ANKRD36: variants seen among roughly 807,000 people sequenced by gnomAD.
ANKRD36 encodes the protein ankyrin repeat domain-containing protein 36A.
In ANKRD36, 179 loss-of-function variants were observed where a neutral mutation model predicts 278.1. The ratio of observed to expected loss-of-function variants is 0.64; its 90% CI spans 0.57 to 0.73. ANKRD36 has a LOEUF of 0.73. Ranked by LOEUF, ANKRD36 falls within the 30% of genes least tolerant of loss-of-function variation. The pLI is 0.00. For missense variants in ANKRD36, 1,159 were observed against 1,956.7 expected, an observed-to-expected ratio of 0.59 and a Z score of 7.69; for synonymous variants, 320 against 641.1, an observed-to-expected ratio of 0.50 and a Z score of 7.57.
intron 8 of ANKRD36, among the ~76,000 whole-genome samples, chr2:97,143,997 C>A (rs200549352): frequency 3.2e-3 from 342 of 108,122 alleles, no homozygotes; most frequent in Admixed American, 5.7e-3. Context: ...CTGATCAATT[C>A]GGAACACTTC....
intron 75 of ANKRD36, among the ~76,000 whole-genome samples, chr2:97,261,462 G>A (rs1348540568): frequency 0.032 from 4,282 of 133,628 alleles, 1,212 homozygotes; most frequent in African/African-American, 0.13. Flanking sequence ...CACAACCTCC[G>A]TGGTTAGTGC....
chr2:97,199,638 A>G (rs2060748890), intron 44 of ANKRD36, among the ~76,000 whole-genome samples: 1 of 151,924 alleles, frequency 6.6e-6, no homozygotes, highest in Non-Finnish European at 1.5e-5. Context: ...ATAATTGATG[A>G]TATTTTTATT....
chr2:97,216,573 A>C (rs1336783032), intron 62 of ANKRD36: 1 of 174,538 alleles, frequency 5.7e-6, no homozygotes, highest in Non-Finnish European at 1.2e-5. Context: ...CAAGAAACTT[A>C]GGCAAATTAT....
At chr2:97,135,791 A>C (rs2041341532) in intron 6 of ANKRD36, among the ~76,000 whole-genome samples, 1 of 151,856 alleles carries the variant, frequency 6.6e-6, no homozygotes, top group Non-Finnish European at 1.5e-5. Context: ...TTGTCATACT[A>C]CTCAGAATCT....
At chr2:97,226,000 C>A (rs1301104744) in intron 67 of ANKRD36, among the ~76,000 whole-genome samples, 1 of 151,736 alleles carries the variant, frequency 6.6e-6, no homozygotes. Context: ...GTCTATGTGC[C>A]ATATTTTCTT....
rs927060997 is a variant in ANKRD36 at position 97,113,677 on chromosome 2, A to C, written c.-63A>C. On this transcript the variant is annotated 5_prime_UTR_variant, in exon 1 of 76. Coordinates refer to ENST00000420699, the MANE Select transcript of ANKRD36 (RefSeq NM_001354587.1). The stretch of plus-strand genomic sequence containing the variant: ...TGCTTTGCTCGTTGTTGCTCTTCGG[A>C]GGCGGCGATCCCCGAAGGCGAGCTG... 6.2e-7 allele frequency: 1 copy of C among 1,601,404 alleles called. No homozygotes were observed. The highest frequency in any genetic ancestry group is 1.3e-5 in the African/African-American group (1 of 74,518).
Position 97,113,749 on chromosome 2 carries a change from G to T in ANKRD36, c.10G>T (p.Gly4Cys), listed in dbSNP as rs545826736. Residue 4 changes from glycine to cysteine, a missense_variant, in exon 1 of 76, where the codon GGC becomes TGC. Gly to Cys is a radical substitution (Grantham distance 159). Transcript: ENST00000420699. MEDGKRERWPTLME... is the reference protein window; with the variant it reads MEDCKRERWPTLME... Reference sequence around the variant, plus strand: ...TTTGCAGCCGACGATTATGGAAGACGGCAAGCGGGAGAGGTGGCCCACCCT... The same window carrying T: ...TTTGCAGCCGACGATTATGGAAGACTGCAAGCGGGAGAGGTGGCCCACCCT... 1.2e-5 allele frequency: 19 copies of T among 1,610,610 alleles called. No homozygotes were observed. Among genetic ancestry groups the T allele is most frequent in the African/African-American group, 1.3e-5 (1 of 74,854 alleles).
chr2:97,200,594 A>C, intron 46 of ANKRD36, 69 bp downstream of exon 46: 1 of 1,532,246 alleles, frequency 6.5e-7, no homozygotes, highest in East Asian at 2.5e-5. Flanking sequence ...CGAATAAATC[A>C]GTCGGGGGCT....
chr2:97,235,137 T>C (rs1238451303), intron 68 of ANKRD36, among the ~76,000 whole-genome samples: 2 of 151,414 alleles, frequency 1.3e-5, no homozygotes, highest in African/African-American at 4.9e-5. Context: ...ATTTTATAGA[T>C]TTGGATCTTC....
chr2:97,137,231 C>G (rs2041747940), intron 6 of ANKRD36, among the ~76,000 whole-genome samples: 1 of 151,980 alleles, frequency 6.6e-6, no homozygotes, highest in African/African-American at 2.4e-5. Context: ...ACTGCAACCT[C>G]TGCCTCCTGG....
At chr2:97,138,974 C>A (rs1364002180) in intron 6 of ANKRD36, among the ~76,000 whole-genome samples, 1 of 152,162 alleles carries the variant, frequency 6.6e-6, no homozygotes, top group Non-Finnish European at 1.5e-5. Context: ...TGTATAAAAA[C>A]CCTGGATGAA....
intron 46 of ANKRD36, among the ~76,000 whole-genome samples, chr2:97,201,507 T>C (rs1365622437): frequency 5.3e-5 from 8 of 151,960 alleles, no homozygotes; most frequent in South Asian, 4.2e-4. Context: ...TAATTGATGA[T>C]ATTTTTATTG....
intron 67 of ANKRD36, among the ~76,000 whole-genome samples, chr2:97,230,818 A>C (rs1387650386): frequency 6.6e-6 from 1 of 151,974 alleles, no homozygotes; most frequent in Admixed American, 6.6e-5. Flanking sequence ...TGGGTTTTTG[A>C]TGTGGATGTC....
chr2:97,139,535 G>A (rs1269354193), intron 6 of ANKRD36, among the ~76,000 whole-genome samples: 1 of 152,008 alleles, frequency 6.6e-6, no homozygotes, highest in Non-Finnish European at 1.5e-5. Flanking sequence ...CTAATGATAT[G>A]CCATGTGATG....
intron 6 of ANKRD36, among the ~76,000 whole-genome samples, chr2:97,132,714 T>C (rs1044270236): frequency 2.6e-5 from 4 of 152,188 alleles, no homozygotes; most frequent in African/African-American, 9.6e-5. Context: ...CTCTGGGCTT[T>C]GATTTGTTAC....
At position 97,185,520 on chromosome 2, in the gene ANKRD36, C is replaced by G. The variant is rs778484011; in HGVS notation, c.2041+10C>G. The G allele has an allele frequency of 6.2e-7, 1 of 1,609,070 alleles. No homozygotes were observed. Among genetic ancestry groups the G allele is most frequent in the African/African-American group, 1.3e-5 (1 of 74,620 alleles). On this transcript the variant is annotated intron_variant, in intron 30 of 75. Coordinates refer to ENST00000420699, the MANE Select transcript of ANKRD36 (RefSeq NM_001354587.1). ...CTACAGTGTGGGACAGGTAATTTTG[C>G]AAAACACATTTAATGTCATGTTCAG...
intron 58 of ANKRD36, among the ~76,000 whole-genome samples, chr2:97,212,296 A>T (rs56238985): frequency 0.023 from 3,511 of 151,870 alleles, 121 homozygotes; most frequent in African/African-American, 0.08. Flanking sequence ...TACATTTGGA[A>T]CATTTGCATA....
At chr2:97,230,966 C>T (rs2071778038) in intron 67 of ANKRD36, among the ~76,000 whole-genome samples, 1 of 152,104 alleles carries the variant, frequency 6.6e-6, no homozygotes, top group Non-Finnish European at 1.5e-5. Context: ...TTTTCATGAA[C>T]CGCGAATGCT....
chr2:97,209,947 G>C (rs1048599431), intron 56 of ANKRD36, 75 bp downstream of exon 56: 1 of 1,510,854 alleles, frequency 6.6e-7, no homozygotes, highest in Non-Finnish European at 8.9e-7. Flanking sequence ...ATAAATCAGC[G>C]GAGGGCTCGT....
Sources: gnomAD v4.1 joint callset for allele counts (sites outside exome capture counted in the v4.1 genomes callset) on GRCh38, gnomAD v4.1.1 for gene constraint, MANE v1.5 for transcripts, NCBI Gene and HGNC (gene_info 2026-07-23, HGNC 2026-07-21) for gene names.